The following OR4D1 variants were observed in gnomAD, a reference collection of about 807,000 sequenced individuals.
OR4D1 encodes the protein olfactory receptor 4D1.
A neutral mutation model predicts 14.2 loss-of-function variants in OR4D1; 10 were observed. That is an observed-to-expected ratio of 0.71 (90% CI 0.44 to 1.20). The LOEUF (loss-of-function observed/expected upper bound fraction) is 1.20, where lower values mean the gene tolerates loss of function less well. Ranked by LOEUF, OR4D1 falls within the 50% of genes most tolerant of loss-of-function variation. The pLI, the probability that OR4D1 is intolerant of heterozygous loss-of-function variation, is 0.00. For synonymous variants in OR4D1, 141 were observed against 147.4 expected, an observed-to-expected ratio of 0.96 and a Z score of 0.32; for missense variants, 345 against 376.6, an observed-to-expected ratio of 0.92 and a Z score of 0.70.
Position 58,158,134 on chromosome 17 carries a change from C to T in OR4D1, c.*2048C>T, listed in dbSNP as rs2143665580. The T allele has an allele frequency of 6.5e-6, 1 of 153,100 alleles. No individual in the cohort carries two copies. Among genetic ancestry groups the T allele is most frequent in the South Asian group, 2.1e-4 (1 of 4,844 alleles). 9.5% of individuals were successfully genotyped at this position (153,100 alleles called of 1,614,324 possible). On this transcript the variant is annotated 3_prime_UTR_variant, in exon 4 of 4. Coordinates refer to ENST00000268912, the MANE Select transcript of OR4D1 (RefSeq NM_001386095.1). ...TAAAAATTCAAATTATTTTAAAAGG[C>T]AAAATTTATATACATATGTGCTTTT...
intron 2 of OR4D1, among the ~76,000 whole-genome samples, chr17:58,150,996 A>T (rs1967696367): frequency 6.6e-6 from 1 of 152,152 alleles, no homozygotes; most frequent in Non-Finnish European, 1.5e-5. Flanking sequence ...TATAAATTAC[A>T]AGAAATAAAA....
chr17:58,153,813 G>C (rs774987492), intron 2 of OR4D1, among the ~76,000 whole-genome samples, 44 bp from the exon 3 acceptor site: 3 of 152,098 alleles, frequency 2.0e-5, no homozygotes, highest in African/African-American at 7.2e-5. Flanking sequence ...ACTTACTAAA[G>C]AATCATGTCT....
In OR4D1 at chr17:58,155,831, G is replaced by T. The variant is rs569032319; in HGVS notation, c.678G>T (p.Arg226Ser). 1.2e-6 allele frequency: 2 copies of T among 1,614,142 alleles called. No homozygotes were observed. The highest frequency in any genetic ancestry group is 1.1e-5 in the South Asian group (1 of 91,086). The part of the protein sequence containing the change: ...ISYTVILVML[R>S]SHSGKARRKA... ...ATACTGTCATCCTGGTGATGCTGAG[G>T]TCCCACTCGGGAAAGGCAAGGAGGA... The change falls in exon 4 of 4, where the codon AGG (arginine) becomes AGT (serine). Residue 226 changes from arginine (R) to serine (S), a missense_variant. By Grantham distance (110) the Arg-to-Ser change is moderately radical (BLOSUM62 -1). Coordinates refer to ENST00000268912, the MANE Select transcript of OR4D1 (RefSeq NM_001386095.1).
chr17:58,157,076 G>C lies in OR4D1; in HGVS notation c.*990G>C. 2 of 1,441,000 alleles carry C rather than the reference G, an allele frequency of 1.4e-6. No homozygotes were observed. Among genetic ancestry groups the C allele is most frequent in the South Asian group, 1.3e-5 (1 of 78,316 alleles). The allele number at this position is 1,441,000 out of a possible 1,614,324, so 89.3% of individuals were successfully genotyped here. ...CAGCGGTGGCGGTCGGGCCAGGTCC[G>C]GGGCCTGGGGACGCCGAGGCGGCCG... On this transcript the variant is annotated 3_prime_UTR_variant, in exon 4 of 4. Coordinates refer to ENST00000268912, the MANE Select transcript of OR4D1 (RefSeq NM_001386095.1).
intron 2 of OR4D1, among the ~76,000 whole-genome samples, chr17:58,150,847 C>A (rs754535374): frequency 6.6e-6 from 1 of 152,130 alleles, no homozygotes; most frequent in African/African-American, 2.4e-5. Context: ...TTCCCCGAAC[C>A]CTTCCCCTTG....
rs1490526704 is a variant in OR4D1 at position 58,157,023 on chromosome 17, C to T, written c.*937C>T. 4.4e-5 allele frequency: 43 copies of T among 967,286 alleles called. No individual in the cohort carries two copies. Among genetic ancestry groups the T allele is most frequent in the Non-Finnish European group, 6.0e-5 (38 of 634,560 alleles). 59.9% of individuals were successfully genotyped at this position (967,286 alleles called of 1,614,324 possible). On this transcript the variant is annotated 3_prime_UTR_variant, in exon 4 of 4. Coordinates refer to ENST00000268912, the MANE Select transcript of OR4D1 (RefSeq NM_001386095.1). ...GCTACGTAGGGCAGGGAAGGCATGG[C>T]TTCTGTTTTCGTCCAATGAGAAGGG...
intron 2 of OR4D1, among the ~76,000 whole-genome samples, chr17:58,152,760 C>G (rs1257705870): frequency 6.6e-6 from 1 of 151,896 alleles, no homozygotes; most frequent in Admixed American, 6.6e-5. Flanking sequence ...CATGACAGAC[C>G]CTGTCTCTAC....
In OR4D1 at chr17:58,157,930, T is replaced by A; in HGVS notation, c.*1844T>A. The A allele has an allele frequency of 3.3e-6, 3 of 916,288 alleles. No homozygotes were observed. The highest frequency in any genetic ancestry group is 5.2e-6 in the Non-Finnish European group (3 of 581,418). The allele number at this position is 916,288 out of a possible 1,614,324, so 56.8% of individuals were successfully genotyped here. A position where few individuals can be genotyped will look rare whatever the true frequency, so the allele number is the denominator to read the frequency against. On this transcript the variant is annotated 3_prime_UTR_variant, in exon 4 of 4. Coordinates refer to ENST00000268912, the MANE Select transcript of OR4D1 (RefSeq NM_001386095.1). ...CCCTGAGTGCACCACCCTAAGCGGCTAGGCCGGCAGGGCCACACGACACAG... is the reference window on the plus strand; with the variant it reads ...CCCTGAGTGCACCACCCTAAGCGGCAAGGCCGGCAGGGCCACACGACACAG...
Position 58,156,796 on chromosome 17 carries a change from G to C in OR4D1, c.*710G>C, listed in dbSNP as rs900288574. ...GCGACCACAAGAGAAAACCTAGAGA[G>C]GTCTTCGTCTATAGAGAAGTATCTC... On this transcript the variant is annotated 3_prime_UTR_variant, in exon 4 of 4. Coordinates refer to ENST00000268912, the MANE Select transcript of OR4D1 (RefSeq NM_001386095.1). 4.6e-6 allele frequency: 1 copy of C among 218,346 alleles called. No individual in the cohort carries two copies. Among genetic ancestry groups the C allele is most frequent in the African/African-American group, 2.3e-5 (1 of 43,274 alleles). The allele number at this position is 218,346 out of a possible 1,614,324, so 13.5% of individuals were successfully genotyped here.
chr17:58,154,978 CAT>C (rs1027517492), intron 3 of OR4D1, among the ~76,000 whole-genome samples, 155 bp from the exon 4 acceptor site: 2 of 152,246 alleles, frequency 1.3e-5, no homozygotes, highest in African/African-American at 4.8e-5. Context: ...CCCTTGAAAA[CAT>C]ATGGAACTTC....
rs774617796 is a variant in OR4D1, at chr17:58,155,372, T to G, written c.219T>G (p.Tyr73Ter). The change falls in exon 4 of 4, where the codon TAT becomes TAG. Residue 73 changes from tyrosine to a stop codon, truncating the protein, a stop_gained. Coordinates refer to ENST00000268912, the MANE Select transcript of OR4D1 (RefSeq NM_001386095.1). LOFTEE classifies it high-confidence loss of function. The part of the protein sequence containing the change: ...LRNLALIDLC[Y>*]STVTSPKMLV... Reference sequence around the variant, plus strand: ...ATCTAGCTCTCATAGACCTCTGCTATTCCACAGTCACCTCTCCAAAGATGC... The same window carrying G: ...ATCTAGCTCTCATAGACCTCTGCTAGTCCACAGTCACCTCTCCAAAGATGC... 1 of 1,614,194 alleles carries G rather than the reference T, an allele frequency of 6.2e-7. No homozygotes were observed. Among genetic ancestry groups the G allele is most frequent in the Non-Finnish European group, 8.5e-7 (1 of 1,180,018 alleles).
rs1262602052 is a variant in OR4D1 at position 58,159,047 on chromosome 17, A to G, written c.*2961A>G. On this transcript the variant is annotated 3_prime_UTR_variant, in exon 4 of 4. Transcript: ENST00000268912. ...AAGGGTGCCTTGTACAATTGTATATATTTTATTGAAGAGTTATTATATCTT... is the reference window on the plus strand; with the variant it reads ...AAGGGTGCCTTGTACAATTGTATATGTTTTATTGAAGAGTTATTATATCTT... 1 of 152,088 alleles carries G rather than the reference A, an allele frequency of 6.6e-6. No homozygotes were observed. Among genetic ancestry groups the G allele is most frequent in the African/African-American group, 2.4e-5 (1 of 41,396 alleles). 9.4% of individuals were successfully genotyped at this position (152,088 alleles called of 1,614,324 possible). A position where few individuals can be genotyped will look rare whatever the true frequency, so the allele number is the denominator to read the frequency against.
rs1045774017 is a variant in OR4D1, at chr17:58,158,443, A to G, written c.*2357A>G. ...ACCATATTTGTTCCTATCTCTCCCC[A>G]CGCCCACCCCCCCCCCACACACACA... On this transcript the variant is annotated 3_prime_UTR_variant, in exon 4 of 4. Coordinates refer to ENST00000268912, the MANE Select transcript of OR4D1 (RefSeq NM_001386095.1). 2.2e-5 allele frequency: 2 copies of G among 90,760 alleles called. 1 individual carries two copies. The highest frequency in any genetic ancestry group is 7.0e-5 in the African/African-American group (2 of 28,514). The allele number at this position is 90,760 out of a possible 1,614,324, so 5.6% of individuals were successfully genotyped here.
chr17:58,157,326 C>T lies in OR4D1; in HGVS notation c.*1240C>T. ...CGCCTCGGTCAAGTGGGAAAACTCC[C>T]TAAGACGGAGCGGCGTGGATGCAGG... On this transcript the variant is annotated 3_prime_UTR_variant, in exon 4 of 4. Transcript: ENST00000268912. 6.7e-7 allele frequency: 1 copy of T among 1,493,284 alleles called. No homozygotes were observed. 92.5% of individuals were successfully genotyped at this position (1,493,284 alleles called of 1,614,324 possible).
In OR4D1 at chr17:58,156,461, G is replaced by T. The variant is rs1241441601; in HGVS notation, c.*375G>T. Reference sequence around the variant, plus strand: ...GATGGGGTTTCACTACAATGACCAGGCTGGTCTCGAACTCCTGACCTAGGT... The same window carrying T: ...GATGGGGTTTCACTACAATGACCAGTCTGGTCTCGAACTCCTGACCTAGGT... On this transcript the variant is annotated 3_prime_UTR_variant, in exon 4 of 4. Coordinates refer to ENST00000268912, the MANE Select transcript of OR4D1 (RefSeq NM_001386095.1). 1.1e-5 allele frequency: 2 copies of T among 186,678 alleles called. No homozygotes were observed. Among genetic ancestry groups the T allele is most frequent in the African/African-American group, 4.8e-5 (2 of 41,952 alleles). The allele number at this position is 186,678 out of a possible 1,614,324, so 11.6% of individuals were successfully genotyped here. A position where few individuals can be genotyped will look rare whatever the true frequency, so the allele number is the denominator to read the frequency against.
At chr17:58,154,549 A>G (rs920686075) in intron 3 of OR4D1, among the ~76,000 whole-genome samples, 15 of 152,146 alleles carry the variant, frequency 9.9e-5, no homozygotes, top group Admixed American at 7.2e-4. Context: ...CTTCGCTACA[A>G]CCAAGATTAT....
At position 58,155,667 on chromosome 17, in the gene OR4D1, A is replaced by G; in HGVS notation, c.514A>G (p.Asn172Asp). 6.2e-7 allele frequency: 1 copy of G among 1,614,100 alleles called. No homozygotes were observed. The highest frequency in any genetic ancestry group is 1.1e-5 in the South Asian group (1 of 91,082). The change falls in exon 4 of 4, where the codon AAT becomes GAT. Residue 172 changes from asparagine to aspartate, a missense_variant. Transcript: ENST00000268912. ...LILPLPFCGP[N>D]ILDNFYCDVP... ...ACTTCCACTGCCCTTCTGTGGCCCCAATATCCTAGATAACTTCTACTGTGA... is the reference window on the plus strand; with the variant it reads ...ACTTCCACTGCCCTTCTGTGGCCCCGATATCCTAGATAACTTCTACTGTGA...
rs2052084 is a variant in OR4D1 at position 58,156,380 on chromosome 17, G to A, written c.*294G>A. The stretch of plus-strand genomic sequence containing the variant: ...TTCTCCTGCCTCAGCCTCCCGCGCA[G>A]CTGGGATTACAGGCACCCACCACCA... On this transcript the variant is annotated 3_prime_UTR_variant, in exon 4 of 4. Transcript: ENST00000268912. 0.3 allele frequency: 79,162 copies of A among 261,670 alleles called. 13,146 individuals carry two copies. The highest frequency in any genetic ancestry group is 0.45 in the African/African-American group (19,866 of 43,942). The allele number at this position is 261,670 out of a possible 1,614,324, so 16.2% of individuals were successfully genotyped here. A position where few individuals can be genotyped will look rare whatever the true frequency, so the allele number is the denominator to read the frequency against.
In OR4D1 at chr17:58,156,076, G is replaced by T. The variant is rs762630022; in HGVS notation, c.923G>T (p.Cys308Phe). ...AGATTAGGCAAGTGCCTAGTAATTT[G>T]CAGGGAGTAAACTTTAAGTAAGTTG... ...MRRLGKCLVI[C>F]RE is the part of the protein sequence containing the mutation. The change falls in exon 4 of 4, where the codon TGC becomes TTC. Residue 308 changes from cysteine (C) to phenylalanine (F), a missense_variant. Cys to Phe is a radical substitution (Grantham distance 205). Transcript: ENST00000268912. 2 of 1,597,320 alleles carry T rather than the reference G, an allele frequency of 1.3e-6. No homozygotes were observed. The highest frequency in any genetic ancestry group is 2.7e-5 in the African/African-American group (2 of 74,364).
Sources: gnomAD v4.1 joint callset for allele counts (sites outside exome capture counted in the v4.1 genomes callset) on GRCh38, gnomAD v4.1.1 for gene constraint, MANE v1.5 for transcripts, NCBI Gene and HGNC (gene_info 2026-07-23, HGNC 2026-07-21) for gene names.